TPPP: variants seen among roughly 807,000 people sequenced by gnomAD.
TPPP encodes tubulin polymerization promoting protein.
A neutral mutation model predicts 15.5 loss-of-function variants in TPPP; 6 were observed. The ratio of observed to expected loss-of-function variants is 0.39; its 90% CI spans 0.21 to 0.77. The LOEUF is 0.77. Among genes scored for constraint, TPPP ranks in the 30% least tolerant of loss-of-function variants. TPPP has a pLI of 0.42. For synonymous variants in TPPP, 146 were observed against 133.9 expected (o/e 1.09, Z -0.63); for missense variants, 269 against 307.2 (o/e 0.88, Z 0.93).
intron 1 of TPPP, among the ~76,000 whole-genome samples, chr5:684,655 G>A (rs1740719348): frequency 6.6e-6 from 1 of 152,098 alleles, no homozygotes; most frequent in Non-Finnish European, 1.5e-5. Context: ...AAGGAACAAG[G>A]TGGCTCAGGT....
chr5:668,817 T>C (rs374601844), intron 2 of TPPP, among the ~76,000 whole-genome samples: 1 of 152,232 alleles, frequency 6.6e-6, no homozygotes, highest in South Asian at 2.1e-4. Flanking sequence ...TGCTGTGATG[T>C]GTGCGCACGT....
At chr5:681,948 G>A (rs1281500536) in intron 1 of TPPP, among the ~76,000 whole-genome samples, 9 of 152,002 alleles carry the variant, frequency 5.9e-5, no homozygotes, top group Non-Finnish European at 1.5e-5. Flanking sequence ...CCACCTAGGC[G>A]GGGCTTCGTC....
In TPPP at chr5:666,116, A is replaced by G; in HGVS notation, c.319T>C (p.Ser107Pro). 1 of 1,506,756 alleles carries G rather than the reference A, an allele frequency of 6.6e-7. No individual in the cohort carries two copies. The highest frequency in any genetic ancestry group is 1.2e-5 in the South Asian group (1 of 84,000). The allele number at this position is 1,506,756 out of a possible 1,614,324, so 93.3% of individuals were successfully genotyped here. ...DIVFSKIKGK[S>P]CRTITFEQFQ... ...TGCTCAAAGGTGATGGTCCGGCAAGACTTCCCTCTACAGGGGCACAGGCGA... is the reference window on the plus strand; with the variant it reads ...TGCTCAAAGGTGATGGTCCGGCAAGGCTTCCCTCTACAGGGGCACAGGCGA... Residue 107 changes from serine (S) to proline (P), a missense_variant, in exon 3 of 4, where the codon TCT (serine) becomes CCT (proline). Physicochemically the swap from Ser to Pro is moderately conservative, Grantham distance 74. Coordinates refer to ENST00000360578, the MANE Select transcript of TPPP (RefSeq NM_007030.3).
At chr5:672,479 C>T (rs1363993317) in intron 2 of TPPP, among the ~76,000 whole-genome samples, 6 of 152,272 alleles carry the variant, frequency 3.9e-5, no homozygotes, top group Non-Finnish European at 7.3e-5. Context: ...CAGCTGAGAC[C>T]GCAGCCCAGC....
At chr5:699,673 T>C in the TPPP span, among the ~76,000 whole-genome samples, 18 of 151,526 alleles carry the variant, frequency 1.2e-4, no homozygotes, top group Non-Finnish European at 1.8e-4. Context: ...ACAGGGTAAA[T>C]AGACAACCTG....
At chr5:698,778 AC>A in the TPPP span, among the ~76,000 whole-genome samples, 4 of 151,892 alleles carry the variant, frequency 2.6e-5, no homozygotes, top group Non-Finnish European at 5.9e-5. Flanking sequence ...CCGTATTACG[AC>A]TCCACCAAAA....
At chr5:699,452 A>G in the TPPP span, among the ~76,000 whole-genome samples, 164 of 152,112 alleles carry the variant, frequency 1.1e-3, no homozygotes, top group African/African-American at 3.9e-3. Flanking sequence ...ACCTCTCACC[A>G]TATACAAAAG....
Position 663,264 on chromosome 5 carries a change from C to T in TPPP, c.*1838G>A, listed in dbSNP as rs1170965130. On this transcript the variant is annotated 3_prime_UTR_variant, in exon 4 of 4. Transcript: ENST00000360578. ...AGAGTTGTTTTCAAATGTTTCCGCA[C>T]GTTAGTTCTGCCTTTCACACGCGGT... 2.0e-5 allele frequency: 3 copies of T among 152,394 alleles called. No individual in the cohort carries two copies. The highest frequency in any genetic ancestry group is 2.9e-5 in the Non-Finnish European group (2 of 68,068). The allele number at this position is 152,394 out of a possible 1,614,324, so 9.4% of individuals were successfully genotyped here. A position where few individuals can be genotyped will look rare whatever the true frequency, so the allele number is the denominator to read the frequency against.
At chr5:666,429 C>T (rs539682850) in intron 2 of TPPP, among the ~76,000 whole-genome samples, 11 of 152,332 alleles carry the variant, frequency 7.2e-5, no homozygotes, top group East Asian at 5.8e-4. Context: ...CTCCTCCTCC[C>T]GGGGCCACCA....
chr5:672,509 C>T lies in TPPP; in HGVS notation c.311+5241G>A, dbSNP rs540531310. ...CCCAGCCCTCCTTCCTCTGCCTCATCGGCTGGGTGCCCCCACCTGAGCTAG... is the reference window on the plus strand; with the variant it reads ...CCCAGCCCTCCTTCCTCTGCCTCATTGGCTGGGTGCCCCCACCTGAGCTAG... On this transcript the variant is annotated intron_variant, in intron 2 of 3. Coordinates refer to ENST00000360578, the MANE Select transcript of TPPP (RefSeq NM_007030.3). Among the ~76,000 whole-genome samples the T allele has an allele frequency of 1.2e-4, 19 of 152,376 alleles. No individual in the cohort carries two copies. The South Asian group carries it at 2.1e-3, about 17-fold the overall frequency.
At position 668,196 on chromosome 5, in the gene TPPP, CAGGGAAGT is replaced by C. The variant is rs1740017144; in HGVS notation, c.312-2081_312-2074del. ...GGAGAGGGGTCCGCGTGGGCGCCGTCAGGGAAGTACCGACAAGCACACAGAGAGGGGGC... is the reference window on the plus strand; with the variant it reads ...GGAGAGGGGTCCGCGTGGGCGCCGTCACCGACAAGCACACAGAGAGGGGGC... On this transcript the variant is annotated intron_variant, in intron 2 of 3. Transcript: ENST00000360578. 1.6e-5 allele frequency among the ~76,000 whole-genome samples: 2 copies of C among 123,008 alleles called. 1 individual carries two copies. Among genetic ancestry groups the C allele is most frequent in the Non-Finnish European group, 3.5e-5 (2 of 57,054 alleles). The allele number at this position is 123,008 out of a possible 152,430, so 80.7% of individuals were successfully genotyped here.
upstream of TPPP, among the ~76,000 whole-genome samples, chr5:696,982 G>T (rs1471528979): frequency 6.8e-6 from 1 of 146,508 alleles, no homozygotes; most frequent in African/African-American, 2.5e-5. Context: ...GTTTGCATGT[G>T]TGTGCATGTG....
In TPPP at chr5:665,171, G is replaced by C. The variant is rs138152607; in HGVS notation, c.591C>G (p.Asp197Glu). The change falls in exon 4 of 4, where the codon GAC (aspartate) becomes GAG (glutamate). Residue 197 changes from aspartate (D) to glutamate (E), a missense_variant. Transcript: ENST00000360578. ...KGKAGRVDLV[D>E]ESGYVSGYKH... ...TGTAGCCGGACACATAGCCTGACTCGTCCACCAGATCCACGCGGCCAGCCT... is the reference window on the plus strand; with the variant it reads ...TGTAGCCGGACACATAGCCTGACTCCTCCACCAGATCCACGCGGCCAGCCT... 1.2e-6 allele frequency: 2 copies of C among 1,613,654 alleles called. No homozygotes were observed. The highest frequency in any genetic ancestry group is 1.7e-6 in the Non-Finnish European group (2 of 1,179,990).
Position 673,797 on chromosome 5 carries a change from G to A in TPPP, c.311+3953C>T, listed in dbSNP as rs1457385309. Among the ~76,000 whole-genome samples the A allele has an allele frequency of 3.3e-5, 5 of 152,182 alleles. 1 individual carries two copies. Among genetic ancestry groups the A allele is most frequent in the Admixed American group, 2.0e-4 (3 of 15,284 alleles). On this transcript the variant is annotated intron_variant, in intron 2 of 3. Transcript: ENST00000360578. ...TGAGCAGCTCCAGCCCTGCCTCTGGGAACAGGCCCAGACCAGCTGGGGCTC... is the reference window on the plus strand; with the variant it reads ...TGAGCAGCTCCAGCCCTGCCTCTGGAAACAGGCCCAGACCAGCTGGGGCTC...
intron 1 of TPPP, among the ~76,000 whole-genome samples, chr5:684,568 C>T (rs1236464953): frequency 7.1e-6 from 1 of 140,570 alleles, no homozygotes; most frequent in Non-Finnish European, 1.5e-5. Context: ...CCCAGCCCTC[C>T]TGTCCCACCA....
chr5:666,381 TG>T (rs1739915001), intron 2 of TPPP, among the ~76,000 whole-genome samples: 1 of 152,230 alleles, frequency 6.6e-6, no homozygotes, highest in Non-Finnish European at 1.5e-5. Flanking sequence ...TGCACTCTGC[TG>T]GGGCAGTGCC....
rs1580073592 is a variant in TPPP, at chr5:666,626, A to G, written c.312-503T>C. Among the ~76,000 whole-genome samples the G allele has an allele frequency of 1.3e-5, 2 of 152,222 alleles. 1 individual carries two copies. The highest frequency in any genetic ancestry group is 4.2e-4 in the South Asian group (2 of 4,814). ...ACGCCTCAGATGCCCTGGCTCCAAA[A>G]CCCGCCAGGCGGCCCCGCTGTGCCC... On this transcript the variant is annotated intron_variant, in intron 2 of 3. Coordinates refer to ENST00000360578, the MANE Select transcript of TPPP (RefSeq NM_007030.3).
At chr5:700,489 T>C in the TPPP span, among the ~76,000 whole-genome samples, 2 of 151,926 alleles carry the variant, frequency 1.3e-5, no homozygotes, top group African/African-American at 2.4e-5. Context: ...TTCAGTACAA[T>C]GTTCACTATT....
chr5:665,615 C>T, intron 3 of TPPP, among the ~76,000 whole-genome samples: 2 of 125,790 alleles, frequency 1.6e-5, no homozygotes, highest in Admixed American at 7.9e-5. Flanking sequence ...TATGCCCCCC[C>T]AATCCATGCC....
Sources: gnomAD v4.1 joint callset for allele counts (sites outside exome capture counted in the v4.1 genomes callset) on GRCh38, gnomAD v4.1.1 for gene constraint, MANE v1.5 for transcripts, NCBI Gene and HGNC (gene_info 2026-07-23, HGNC 2026-07-21) for gene names.